The following PTK2 variants were observed in gnomAD, a reference collection of about 807,000 sequenced individuals.
PTK2 encodes focal adhesion kinase 1.
A neutral mutation model predicts 150.1 loss-of-function variants in PTK2; 45 were observed. That is an observed-to-expected ratio of 0.30 (90% CI 0.24 to 0.38). The LOEUF is 0.38. PTK2 is among the 10% of genes least tolerant of loss of function. The pLI is 1.00. For missense variants in PTK2, 919 were observed against 1,307.3 expected (o/e 0.70, Z 4.58); for synonymous variants, 432 against 449.2 (o/e 0.96, Z 0.48).
At chr8:140,833,604 A>T (rs2100116868) in intron 7 of PTK2, among the ~76,000 whole-genome samples, 1 of 152,230 alleles carries the variant, frequency 6.6e-6, no homozygotes, top group South Asian at 2.1e-4. Flanking sequence ...TCTAATCAGC[A>T]GTAGTTTTGC....
At chr8:140,879,438 T>C (rs1299730354) in intron 4 of PTK2, 33 bp downstream of exon 4, 6 of 1,550,996 alleles carry the variant, frequency 3.9e-6, no homozygotes, top group African/African-American at 2.8e-5. Flanking sequence ...AGAAATCAAG[T>C]GTGCATCACA....
chr8:140,778,956 A>T (rs1253153721), intron 14 of PTK2, among the ~76,000 whole-genome samples: 2 of 152,114 alleles, frequency 1.3e-5, no homozygotes, highest in African/African-American at 4.8e-5. Flanking sequence ...CACCACTGGA[A>T]GAATGGAGAG....
intron 1 of PTK2, among the ~76,000 whole-genome samples, chr8:140,938,205 TATGTCCTGACCA>T (rs748580660): frequency 1.3e-5 from 2 of 152,190 alleles, no homozygotes; most frequent in Non-Finnish European, 2.9e-5. Flanking sequence ...GCTTTCATTC[TATGTCCTGACCA>T]AATACCAGAG....
intron 1 of PTK2, among the ~76,000 whole-genome samples, chr8:140,953,122 T>C (rs1287512241): frequency 6.6e-6 from 1 of 152,200 alleles, no homozygotes; most frequent in Non-Finnish European, 1.5e-5. Context: ...GCTAAACCAA[T>C]ATCTGAATCT....
chr8:140,841,951 C>T (rs917567820), intron 7 of PTK2, among the ~76,000 whole-genome samples: 1 of 151,576 alleles, frequency 6.6e-6, no homozygotes, highest in African/African-American at 2.4e-5. Context: ...TATTATGTGG[C>T]TGTTTAAATG....
chr8:140,938,020 C>T (rs191588817), intron 1 of PTK2, among the ~76,000 whole-genome samples: 2 of 152,324 alleles, frequency 1.3e-5, no homozygotes, highest in East Asian at 3.9e-4. Context: ...CTTAGTTGAT[C>T]TCTACATTAT....
chr8:140,764,334 G>C, intron 14 of PTK2, 44 bp from the exon 17 acceptor site: 1 of 1,376,078 alleles, frequency 7.3e-7, no homozygotes, highest in Non-Finnish European at 1.0e-6. Flanking sequence ...TTAAACATCT[G>C]ACCTCCTGGT....
chr8:140,789,293 A>C (rs1421222430), intron 14 of PTK2, among the ~76,000 whole-genome samples, 181 bp downstream of exon 14: 1 of 152,052 alleles, frequency 6.6e-6, no homozygotes, highest in African/African-American at 2.4e-5. Flanking sequence ...AAAAAAAAAA[A>C]AAAAACTATG....
intron 31 of PTK2, among the ~76,000 whole-genome samples, chr8:140,660,082 C>T (rs116095653): frequency 5.8e-4 from 88 of 152,064 alleles, no homozygotes; most frequent in African/African-American, 2.0e-3. Context: ...TTGTGCATGC[C>T]GATTCACACA....
At chr8:140,766,912 T>C (rs567783896) in intron 14 of PTK2, among the ~76,000 whole-genome samples, 11 of 152,302 alleles carry the variant, frequency 7.2e-5, no homozygotes, top group African/African-American at 2.6e-4. Flanking sequence ...ACAGGAGACA[T>C]GACAGAAAGT....
intron 10 of PTK2, among the ~76,000 whole-genome samples, chr8:140,813,230 G>A (rs1428623051): frequency 6.6e-6 from 1 of 152,130 alleles, no homozygotes; most frequent in Admixed American, 6.6e-5. Context: ...TAAGAAATTT[G>A]CCCAAAACCA....
At chr8:140,750,333 T>A (rs1458094637) in intron 17 of PTK2, 1 of 152,204 alleles carries the variant, frequency 6.6e-6, no homozygotes, top group Non-Finnish European at 1.5e-5. Context: ...TCTCTAGGTG[T>A]CAAGTACTGT....
At chr8:140,682,891 C>T (rs2100017877) in intron 27 of PTK2, among the ~76,000 whole-genome samples, 1 of 152,004 alleles carries the variant, frequency 6.6e-6, no homozygotes. Context: ...ACATCTACAA[C>T]AAAAAGTTAA....
chr8:140,745,536 T>G (rs2100058211), intron 18 of PTK2, among the ~76,000 whole-genome samples: 1 of 152,146 alleles, frequency 6.6e-6, no homozygotes, highest in African/African-American at 2.4e-5. Flanking sequence ...GGAAGAGATG[T>G]TCAGCTGATG....
At chr8:140,958,622 C>T (rs1427758020) in intron 1 of PTK2, among the ~76,000 whole-genome samples, 4 of 152,244 alleles carry the variant, frequency 2.6e-5, no homozygotes, top group Non-Finnish European at 4.4e-5. Context: ...TGAAATGTAA[C>T]TAGGCCACAC....
chr8:140,892,655 A>T (rs1203858741), intron 2 of PTK2: 2 of 426,130 alleles, frequency 4.7e-6, no homozygotes, highest in East Asian at 1.4e-4. Flanking sequence ...AAATGGTATA[A>T]CAGCACAGTA....
intron 5 of PTK2, among the ~76,000 whole-genome samples, chr8:140,848,988 G>A (rs982989921): frequency 1.3e-5 from 2 of 151,992 alleles, no homozygotes; most frequent in African/African-American, 4.8e-5. Flanking sequence ...ATAATCAAAT[G>A]CTATATTTCA....
chr8:140,737,360 C>T lies in PTK2; in HGVS notation c.1825+1658G>A, dbSNP rs2100053192. Among the ~76,000 whole-genome samples, 4 of 152,162 alleles carry T rather than the reference C, an allele frequency of 2.6e-5. No individual in the cohort carries two copies. In the South Asian group the frequency reaches 8.3e-4, roughly 31 times the overall value. On this transcript the variant is annotated intron_variant, in intron 21 of 31. Coordinates refer to ENST00000522684, the Ensembl canonical transcript of PTK2. Reference sequence around the variant, plus strand: ...TGAAGTGATCCTCCCTCCTTGGCCTCCCAAAGTACTAGCATTACAGGCATG... The same window carrying T: ...TGAAGTGATCCTCCCTCCTTGGCCTTCCAAAGTACTAGCATTACAGGCATG...
chr8:140,752,273 C>T, exon 17 of PTK2: 12 of 1,614,100 alleles, frequency 7.4e-6, no homozygotes, highest in Non-Finnish European at 1.0e-5. Context: ...GTCCGAAGTA[C>T]AGTTTTTACA....
Sources: gnomAD v4.1 joint callset for allele counts (sites outside exome capture counted in the v4.1 genomes callset) on GRCh38, gnomAD v4.1.1 for gene constraint, MANE v1.5 for transcripts, NCBI Gene and HGNC (gene_info 2026-07-23, HGNC 2026-07-21) for gene names.